PTPRG: variants seen among roughly 807,000 people sequenced by gnomAD.
PTPRG encodes the protein receptor-type tyrosine-protein phosphatase gamma.
Under a neutral mutation model 165.3 loss-of-function variants are expected in PTPRG, and 102 were observed. The ratio of observed to expected loss-of-function variants is 0.62; its 90% CI spans 0.53 to 0.73. The LOEUF is 0.73. Ranked by LOEUF, PTPRG falls within the 30% of genes least tolerant of loss-of-function variation. The pLI is 0.00. For missense variants in PTPRG, 1,866 were observed against 1,861.4 expected (o/e 1.00, Z -0.05); for synonymous variants, 675 against 669.5 (o/e 1.01, Z -0.13).
At chr3:62,013,187 C>T (rs1045772692) in intron 4 of PTPRG, among the ~76,000 whole-genome samples, 3 of 152,018 alleles carry the variant, frequency 2.0e-5, no homozygotes, top group Non-Finnish European at 4.4e-5. Context: ...ATTGTTTTAA[C>T]ATAAAATCAA....
chr3:61,818,212 G>A (rs895758536), intron 2 of PTPRG, among the ~76,000 whole-genome samples: 10 of 152,024 alleles, frequency 6.6e-5, no homozygotes, highest in African/African-American at 2.4e-4. Flanking sequence ...AAGGAAATAC[G>A]GAGCAGCACT....
chr3:61,679,564 C>G (rs937065308), intron 1 of PTPRG, among the ~76,000 whole-genome samples: 1 of 152,086 alleles, frequency 6.6e-6, no homozygotes, highest in Non-Finnish European at 1.5e-5. Context: ...GCTGGTGGAT[C>G]ACTTGAGTCC....
Position 62,017,590 on chromosome 3 carries a change from TA to T in PTPRG, c.519+14094del, listed in dbSNP as rs1156900184. On this transcript the variant is annotated intron_variant, in intron 4 of 29. Coordinates refer to ENST00000474889, the MANE Select transcript of PTPRG (RefSeq NM_002841.4). Reference sequence around the variant, plus strand: ...ACCACCGCGCCCGGCTAATTTTTTGTATTTTTTTTTTTTTTAGTAGAGACGG... The same window carrying T: ...ACCACCGCGCCCGGCTAATTTTTTGTTTTTTTTTTTTTTTAGTAGAGACGG... Among the ~76,000 whole-genome samples the T allele has an allele frequency of 8.1e-5, 6 of 74,320 alleles. No individual in the cohort carries two copies. In the East Asian group the frequency reaches 7.6e-3, roughly 94 times the overall value. 48.8% of individuals were successfully genotyped at this position (74,320 alleles called of 152,430 possible). A position where few individuals can be genotyped will look rare whatever the true frequency, so the allele number is the denominator to read the frequency against.
chr3:62,099,342 C>G (rs1469070375), intron 5 of PTPRG, among the ~76,000 whole-genome samples: 1 of 152,124 alleles, frequency 6.6e-6, no homozygotes, highest in Non-Finnish European at 1.5e-5. Context: ...CCTAGTCTTT[C>G]AAAATGGTAT....
intron 2 of PTPRG, among the ~76,000 whole-genome samples, chr3:61,913,983 A>T (rs62243232): frequency 0.13 from 19,085 of 152,174 alleles, 1,701 homozygotes; most frequent in East Asian, 0.48. Context: ...ATTTTGTTTC[A>T]GTGTTATAAC....
At chr3:61,996,881 C>T (rs867777062) in intron 3 of PTPRG, among the ~76,000 whole-genome samples, 4 of 152,122 alleles carry the variant, frequency 2.6e-5, no homozygotes, top group African/African-American at 9.7e-5. Flanking sequence ...GCTCCATTTT[C>T]TTTGTTATCC....
At chr3:61,568,089 T>A (rs1414142892) in intron 1 of PTPRG, among the ~76,000 whole-genome samples, 3 of 152,160 alleles carry the variant, frequency 2.0e-5, no homozygotes, top group Non-Finnish European at 4.4e-5. Flanking sequence ...CAACTATACT[T>A]GTGTAAAAAA....
rs1179206154 is a variant in PTPRG, at chr3:62,255,109, T to C, written c.2468-15T>C. ...GTATTCTATGTAACTTTGAATATTATTTTATTCCCCCCAGATGACATGGAA... is the reference window on the plus strand; with the variant it reads ...GTATTCTATGTAACTTTGAATATTACTTTATTCCCCCCAGATGACATGGAA... On this transcript the variant is annotated splice_polypyrimidine_tract_variant and intron_variant, in intron 15 of 29. Coordinates refer to ENST00000474889, the MANE Select transcript of PTPRG (RefSeq NM_002841.4). This position sits in a 1 kb window ranked among gnomAD's most constrained non-coding sequence, Gnocchi z 4.0. 7 of 1,601,234 alleles carry C rather than the reference T, an allele frequency of 4.4e-6. No individual in the cohort carries two copies. Among genetic ancestry groups the C allele is most frequent in the Non-Finnish European group, 6.0e-6 (7 of 1,170,966 alleles).
chr3:62,155,924 G>A (rs1036598230), intron 6 of PTPRG, among the ~76,000 whole-genome samples: 4 of 152,086 alleles, frequency 2.6e-5, no homozygotes, highest in African/African-American at 7.2e-5. Flanking sequence ...AGGAGCTAAG[G>A]GACCCCATGA....
intron 2 of PTPRG, among the ~76,000 whole-genome samples, chr3:61,987,525 A>G (rs1031123491): frequency 8.5e-5 from 13 of 152,178 alleles, no homozygotes; most frequent in African/African-American, 2.4e-4. Flanking sequence ...GCTTGCATCT[A>G]TTATTTGAGT....
chr3:62,098,173 T>G (rs1006227974), intron 5 of PTPRG, among the ~76,000 whole-genome samples: 2 of 152,198 alleles, frequency 1.3e-5, no homozygotes, highest in African/African-American at 4.8e-5. Context: ...TGATTTGATC[T>G]TTAAGACCAG....
intron 14 of PTPRG, among the ~76,000 whole-genome samples, chr3:62,241,370 A>G (rs1701156311): frequency 6.6e-6 from 1 of 152,078 alleles, no homozygotes; most frequent in Non-Finnish European, 1.5e-5. Flanking sequence ...CCACCCATAT[A>G]TTTGTGTGGG....
chr3:61,780,089 A>G (rs1472776129), intron 2 of PTPRG, among the ~76,000 whole-genome samples: 2 of 152,234 alleles, frequency 1.3e-5, no homozygotes, highest in South Asian at 2.1e-4. Flanking sequence ...TAAGAAGTTA[A>G]TGGCCAAAAA....
chr3:61,787,097 T>C (rs895911165), intron 2 of PTPRG, among the ~76,000 whole-genome samples: 31 of 152,244 alleles, frequency 2.0e-4, no homozygotes, highest in Admixed American at 2.0e-3. Flanking sequence ...CTGAATCCTT[T>C]GTGTGCCAAA....
intron 2 of PTPRG, among the ~76,000 whole-genome samples, chr3:61,968,943 G>A (rs1329676070): frequency 6.6e-6 from 1 of 152,140 alleles, no homozygotes; most frequent in Non-Finnish European, 1.5e-5. Flanking sequence ...GGTGTTGTCT[G>A]TACTCTGTAC....
At chr3:62,122,469 A>G (rs1703111622) in intron 5 of PTPRG, among the ~76,000 whole-genome samples, 1 of 151,990 alleles carries the variant, frequency 6.6e-6, no homozygotes, top group African/African-American at 2.4e-5. Context: ...GAGTAAAACT[A>G]CCCCCTCTTA....
chr3:62,255,314 C>G lies in PTPRG; in HGVS notation c.2559+99C>G. On this transcript the variant is annotated intron_variant, in intron 16 of 29. Transcript: ENST00000474889. The surrounding 1 kb of genome is among the most constrained non-coding windows in gnomAD (Gnocchi z 4.0). ...TGAATTCATTCCAAGCATAACAAAA[C>G]AGTAACTACGGAAAGTGGAGTTTTT... is the stretch of plus-strand genomic sequence containing the variant. The G allele has an allele frequency of 1.2e-6, 1 of 864,352 alleles. No homozygotes were observed. Among genetic ancestry groups the G allele is most frequent in the Non-Finnish European group, 1.8e-6 (1 of 554,316 alleles). 53.5% of individuals were successfully genotyped at this position (864,352 alleles called of 1,614,324 possible).
At chr3:61,691,810 A>G (rs889592622) in intron 1 of PTPRG, among the ~76,000 whole-genome samples, 4 of 152,220 alleles carry the variant, frequency 2.6e-5, no homozygotes, top group Non-Finnish European at 4.4e-5. Context: ...TTAATATCAT[A>G]AAAAGCATAT....
intron 14 of PTPRG, among the ~76,000 whole-genome samples, chr3:62,235,489 C>G (rs1701009958): frequency 6.6e-6 from 1 of 152,162 alleles, no homozygotes; most frequent in Non-Finnish European, 1.5e-5. Context: ...TCTCTCCTAT[C>G]TCCTGGAAAG....
Sources: allele counts gnomAD v4.1 joint callset (sites outside exome capture counted in the v4.1 genomes callset), GRCh38; gene constraint gnomAD v4.1.1; non-coding constraint Gnocchi (gnomAD v3.1); transcripts MANE v1.5; gene names NCBI Gene and HGNC (gene_info 2026-07-23, HGNC 2026-07-21).